SEC31B: variants seen among roughly 807,000 people sequenced by gnomAD.
The protein encoded by SEC31B is protein transport protein Sec31B.
In SEC31B, 113 loss-of-function variants were observed where a neutral mutation model predicts 135.0. That is an observed-to-expected ratio of 0.84 (90% CI 0.72 to 0.98). The LOEUF is 0.98. Among genes scored for constraint, SEC31B ranks in the 50% least tolerant of loss-of-function variants. The pLI is 0.00. For synonymous variants in SEC31B, 508 were observed against 549.4 expected (o/e 0.92, Z 1.05); for missense variants, 1,296 against 1,421.1 (o/e 0.91, Z 1.42).
At position 100,490,804 on chromosome 10, in the gene SEC31B, C is replaced by T. The variant is rs1188453471; in HGVS notation, c.2552G>A (p.Ser851Asn). Residue 851 changes from serine (S) to asparagine (N), a missense_variant, in exon 20 of 26, where the codon AGC becomes AAC. By Grantham distance (46) the Ser-to-Asn change is conservative. Transcript: ENST00000370345. ...CTGTGTCCTGGGACCCTGATAAGGGCTAGGATGGGAAGGTGCCAAGGGCAT... is the reference window on the plus strand; with the variant it reads ...CTGTGTCCTGGGACCCTGATAAGGGTTAGGATGGGAAGGTGCCAAGGGCAT... Reference protein sequence around the residue: ...PAMPLAPSHPSPYQGPRTQNI... With the variant: ...PAMPLAPSHPNPYQGPRTQNI... 1 of 1,610,382 alleles carries T rather than the reference C, an allele frequency of 6.2e-7. No individual in the cohort carries two copies. Among genetic ancestry groups the T allele is most frequent in the Non-Finnish European group, 8.5e-7 (1 of 1,177,774 alleles).
At chr10:100,500,487 TG>T (rs1269377327) in intron 11 of SEC31B, among the ~76,000 whole-genome samples, 1 of 152,104 alleles carries the variant, frequency 6.6e-6, no homozygotes, top group African/African-American at 2.4e-5. Flanking sequence ...GCTAATTTTT[TG>T]TATTTTTAGT....
chr10:100,492,511 A>T (rs1478735634), intron 19 of SEC31B, among the ~76,000 whole-genome samples: 2 of 152,230 alleles, frequency 1.3e-5, no homozygotes, highest in African/African-American at 2.4e-5. Flanking sequence ...TATGAGCCAC[A>T]GCGCCTGGCT....
chr10:100,516,383 C>T (rs988441440), intron 2 of SEC31B, among the ~76,000 whole-genome samples, 164 bp from the exon 3 acceptor site: 1 of 152,092 alleles, frequency 6.6e-6, no homozygotes, highest in African/African-American at 2.4e-5. Context: ...CGCGGTGGCT[C>T]ACGCCTGTAA....
chr10:100,517,498 A>G (rs1589743013), intron 1 of SEC31B, among the ~76,000 whole-genome samples: 1 of 152,296 alleles, frequency 6.6e-6, no homozygotes, highest in East Asian at 1.9e-4. Flanking sequence ...AGTGGCTGGG[A>G]TAACAGGCAT....
chr10:100,505,015 G>T lies in SEC31B; in HGVS notation c.1179+346C>A, dbSNP rs564727181. On this transcript the variant is annotated intron_variant, in intron 10 of 25. Coordinates refer to ENST00000370345, the MANE Select transcript of SEC31B (RefSeq NM_015490.4). ...AACAGAGAAATGACAGAATAAAATG[G>T]TTTTTTTTTTGCCTTCTTTGTAGTT... 5.4e-5 allele frequency among the ~76,000 whole-genome samples: 8 copies of T among 148,624 alleles called. No homozygotes were observed. The South Asian group carries it at 1.1e-3, about 20-fold the overall frequency.
chr10:100,512,708 T>G (rs993471339), intron 3 of SEC31B, among the ~76,000 whole-genome samples: 1 of 152,124 alleles, frequency 6.6e-6, no homozygotes, highest in Non-Finnish European at 1.5e-5. Flanking sequence ...GAAAGGTGCA[T>G]GTTTAGTTGA....
intron 15 of SEC31B, 98 bp from the exon 16 acceptor site, chr10:100,497,891 C>T (rs1473449395): frequency 1.9e-6 from 3 of 1,597,046 alleles, no homozygotes; most frequent in African/African-American, 1.3e-5. Context: ...TGAGTAGGGG[C>T]AAGGGATGAG....
At chr10:100,489,001 G>T (rs1321478816) in intron 23 of SEC31B, 27 bp from the exon 24 acceptor site, 2 of 1,578,914 alleles carry the variant, frequency 1.3e-6, no homozygotes, top group South Asian at 2.4e-5. Context: ...AGGGAGAAAG[G>T]CCAGAGGGGC....
rs1236424395 is a variant in SEC31B at position 100,506,065 on chromosome 10, A to G, written c.1019T>C (p.Val340Ala). ...CTTGTCAGCCTGTCTCATATGCTGGACTTCCCAGCTCCTACCCATCACAGA... is the reference window on the plus strand; with the variant it reads ...CTTGTCAGCCTGTCTCATATGCTGGGCTTCCCAGCTCCTACCCATCACAGA... ...LYSVMGRSWE[V>A]QHMRQADKIS... The change falls in exon 9 of 26, where the codon GTC becomes GCC. Residue 340 changes from valine to alanine, a missense_variant. Coordinates refer to ENST00000370345, the MANE Select transcript of SEC31B (RefSeq NM_015490.4). 7 of 1,613,998 alleles carry G rather than the reference A, an allele frequency of 4.3e-6. No homozygotes were observed. Among genetic ancestry groups the G allele is most frequent in the Non-Finnish European group, 5.9e-6 (7 of 1,180,008 alleles).
In SEC31B at chr10:100,490,223, A is replaced by G. The variant is rs373986067; in HGVS notation, c.2750T>C (p.Met917Thr). The change falls in exon 21 of 26, where the codon ATG becomes ACG. Residue 917 changes from methionine (M) to threonine (T), a missense_variant. By Grantham distance (81) the Met-to-Thr change is moderately conservative. Coordinates refer to ENST00000370345, the MANE Select transcript of SEC31B (RefSeq NM_015490.4). ...TWPLPGSPLPMACPGIMRPGS... is the reference protein window; with the variant it reads ...TWPLPGSPLPTACPGIMRPGS... ...AGGTCGCATGATGCCTGGGCATGCCATGGGTAGAGGGGAACCAGGAAGAGG... is the reference window on the plus strand; with the variant it reads ...AGGTCGCATGATGCCTGGGCATGCCGTGGGTAGAGGGGAACCAGGAAGAGG... 16 of 1,613,076 alleles carry G rather than the reference A, an allele frequency of 9.9e-6. No homozygotes were observed. The African/African-American group carries it at 1.7e-4, about 18-fold the overall frequency.
chr10:100,498,846 C>T (rs1564650348), intron 13 of SEC31B, 42 bp from the exon 14 acceptor site: 1 of 1,439,264 alleles, frequency 6.9e-7, no homozygotes, highest in African/African-American at 1.4e-5. Flanking sequence ...GGGATGAACC[C>T]AAGACAGACA....
chr10:100,513,147 T>C (rs988337326), intron 3 of SEC31B, among the ~76,000 whole-genome samples: 5 of 152,228 alleles, frequency 3.3e-5, no homozygotes, highest in Non-Finnish European at 7.3e-5. Context: ...GTGTCTAAGA[T>C]GATTTCTTCA....
At chr10:100,506,250 A>T (rs769372013) in intron 8 of SEC31B, 49 bp from the exon 9 acceptor site, 1 of 1,614,000 alleles carries the variant, frequency 6.2e-7, no homozygotes, top group South Asian at 1.1e-5. Flanking sequence ...AACCCAAAAC[A>T]CATGGCTGCA....
At position 100,506,370 on chromosome 10, in the gene SEC31B, G is replaced by C. The variant is rs769283849; in HGVS notation, c.833C>G (p.Thr278Ser). 17 of 1,614,150 alleles carry C rather than the reference G, an allele frequency of 1.1e-5. No individual in the cohort carries two copies. The highest frequency in any genetic ancestry group is 6.8e-6 in the Non-Finnish European group (8 of 1,180,026). ...WSQADAELLL[T>S]SAKDSQILCR... is the part of the protein sequence containing the mutation. ...CAAGATCTGGCTGTCCTTAGCACTA[G>C]TGAGCAGCAGCTCAGCATCAGCCTG... Residue 278 changes from threonine to serine, a missense_variant, in exon 8 of 26, where the codon ACT becomes AGT. Physicochemically the swap from Thr to Ser is moderately conservative, Grantham distance 58. Transcript: ENST00000370345.
chr10:100,516,030 A>G, intron 3 of SEC31B, 66 bp downstream of exon 3: 1 of 1,572,086 alleles, frequency 6.4e-7, no homozygotes, highest in Non-Finnish European at 8.6e-7. Flanking sequence ...CCTAAGAAAC[A>G]CACACTGCTC....
chr10:100,499,437 G>C (rs913584974), intron 12 of SEC31B, 87 bp downstream of exon 12: 1 of 1,195,302 alleles, frequency 8.4e-7, no homozygotes, highest in Non-Finnish European at 1.2e-6. Context: ...ATAAGGCCAG[G>C]AAGAGGTATT....
intron 9 of SEC31B, 161 bp downstream of exon 9, chr10:100,505,879 T>A: frequency 1.3e-6 from 2 of 1,503,668 alleles, no homozygotes; most frequent in Non-Finnish European, 8.8e-7. Context: ...GAAACTAACA[T>A]CCTTTCAGGA....
chr10:100,501,389 T>C (rs780074946), intron 11 of SEC31B, among the ~76,000 whole-genome samples: 1 of 152,214 alleles, frequency 6.6e-6, no homozygotes, highest in Non-Finnish European at 1.5e-5. Flanking sequence ...TTCCTGGAAC[T>C]TGTATCCTGC....
intron 3 of SEC31B, among the ~76,000 whole-genome samples, chr10:100,513,268 T>C (rs937976814): frequency 6.6e-5 from 10 of 152,230 alleles, no homozygotes; most frequent in Admixed American, 6.5e-4. Context: ...AAAGCAGAGA[T>C]AAAATACTTA....
Sources: allele counts gnomAD v4.1 joint callset (sites outside exome capture counted in the v4.1 genomes callset), GRCh38; gene constraint gnomAD v4.1.1; transcripts MANE v1.5; gene names NCBI Gene and HGNC (gene_info 2026-07-23, HGNC 2026-07-21).